Variants in PTMS observed in about 807,000 individuals in gnomAD.
PTMS encodes the protein parathymosin.
In PTMS, 5 loss-of-function variants were observed where a neutral mutation model predicts 18.4. The observed-to-expected ratio is 0.27, with a 90% CI of 0.14 to 0.57. The LOEUF (loss-of-function observed/expected upper bound fraction) is 0.57, where lower values mean the gene tolerates loss of function less well. Among genes scored for constraint, PTMS ranks in the 20% least tolerant of loss-of-function variants. The pLI is 0.92. For missense variants in PTMS, 93 were observed against 124.6 expected, an observed-to-expected ratio of 0.75 and a Z score of 1.21; for synonymous variants, 53 against 47.7, an observed-to-expected ratio of 1.11 and a Z score of -0.46.
chr12:6,766,913 C>T (rs1162230193), intron 1 of PTMS, among the ~76,000 whole-genome samples, 163 bp downstream of exon 1: 10 of 151,354 alleles, frequency 6.6e-5, no homozygotes, highest in African/African-American at 2.4e-4. Flanking sequence ...GCTCCTTTCC[C>T]GGCTCCGCGC....
At position 6,770,026 on chromosome 12, in the gene PTMS, T is replaced by C. The variant is rs776783920; in HGVS notation, c.196+27T>C. On this transcript the variant is annotated intron_variant, in intron 3 of 4. Coordinates refer to ENST00000309083, the MANE Select transcript of PTMS (RefSeq NM_002824.6). The surrounding 1 kb of genome is among the most constrained non-coding windows in gnomAD (Gnocchi z 7.3). The stretch of plus-strand genomic sequence containing the variant: ...TGGGGAGGGGCAGGGGAGGCTGGGC[T>C]GGCAAAGTCTGGGCTCAAAGGAGAG... 3 of 1,564,386 alleles carry C rather than the reference T, an allele frequency of 1.9e-6. No individual in the cohort carries two copies. The South Asian group carries it at 3.5e-5, about 18-fold the overall frequency.
At position 6,766,692 on chromosome 12, in the gene PTMS, C is replaced by T. The variant is rs1445789532; in HGVS notation, c.-14C>T. On this transcript the variant is annotated 5_prime_UTR_variant, in exon 1 of 5. Coordinates refer to ENST00000309083, the MANE Select transcript of PTMS (RefSeq NM_002824.6). The stretch of plus-strand genomic sequence containing the variant: ...CCCCGGCTCCCCGCCAGCCCCGGCC[C>T]CGGCCCCGGCACCATGTCGGAGAAA... The T allele has an allele frequency of 1.9e-5, 22 of 1,132,038 alleles. No homozygotes were observed. The East Asian group carries it at 1.3e-3, about 66-fold the overall frequency. 70.1% of individuals were successfully genotyped at this position (1,132,038 alleles called of 1,614,324 possible).
At position 6,770,238 on chromosome 12, in the gene PTMS, G is replaced by A; in HGVS notation, c.258+20G>A. On this transcript the variant is annotated intron_variant, in intron 4 of 4. Transcript: ENST00000309083. The surrounding 1 kb of genome is among the most constrained non-coding windows in gnomAD (Gnocchi z 7.3). ...GAGGAGGTTTGGGCTGGGTTGCTGGGCCTGAGGGGCTGTCAGGGATGCAGC... is the reference window on the plus strand; with the variant it reads ...GAGGAGGTTTGGGCTGGGTTGCTGGACCTGAGGGGCTGTCAGGGATGCAGC... 1 of 1,614,024 alleles carries A rather than the reference G, an allele frequency of 6.2e-7. No homozygotes were observed. The highest frequency in any genetic ancestry group is 1.7e-4 in the Middle Eastern group (1 of 6,060).
Position 6,766,485 on chromosome 12 carries a change from C to A in PTMS, c.-221C>A. The A allele has an allele frequency of 3.7e-6, 1 of 269,846 alleles. No homozygotes were observed. The highest frequency in any genetic ancestry group is 3.3e-5 in the South Asian group (1 of 29,904). 16.7% of individuals were successfully genotyped at this position (269,846 alleles called of 1,614,324 possible). ...CCGCCCGCCCTCCGGACGGCCGCAG[C>A]CCTGCGGGTCTCCGCTCCAGACCCA... On this transcript the variant is annotated 5_prime_UTR_variant, in exon 1 of 5. Coordinates refer to ENST00000309083, the MANE Select transcript of PTMS (RefSeq NM_002824.6).
Position 6,770,501 on chromosome 12 carries a change from G to A in PTMS, c.*59G>A. 1 of 1,571,452 alleles carries A rather than the reference G, an allele frequency of 6.4e-7. No individual in the cohort carries two copies. Among genetic ancestry groups the A allele is most frequent in the Non-Finnish European group, 8.8e-7 (1 of 1,142,366 alleles). ...TCTGGGCCTGGAGGTGGGGGTGGGG[G>A]CAGCCAAGTCCAGCCACTCTTCACC... is the stretch of plus-strand genomic sequence containing the variant. On this transcript the variant is annotated 3_prime_UTR_variant, in exon 5 of 5. Transcript: ENST00000309083. This position sits in a 1 kb window ranked among gnomAD's most constrained non-coding sequence, Gnocchi z 7.3.
At position 6,770,499 on chromosome 12, in the gene PTMS, G is replaced by A; in HGVS notation, c.*57G>A. On this transcript the variant is annotated 3_prime_UTR_variant, in exon 5 of 5. Coordinates refer to ENST00000309083, the MANE Select transcript of PTMS (RefSeq NM_002824.6). This position sits in a 1 kb window ranked among gnomAD's most constrained non-coding sequence, Gnocchi z 7.3. ...TCTCTGGGCCTGGAGGTGGGGGTGGGGGCAGCCAAGTCCAGCCACTCTTCA... is the reference window on the plus strand; with the variant it reads ...TCTCTGGGCCTGGAGGTGGGGGTGGAGGCAGCCAAGTCCAGCCACTCTTCA... 1.3e-6 allele frequency: 2 copies of A among 1,574,724 alleles called. No homozygotes were observed. The highest frequency in any genetic ancestry group is 1.7e-6 in the Non-Finnish European group (2 of 1,144,860).
chr12:6,769,981 G>C lies in PTMS; in HGVS notation c.178G>C (p.Asp60His). Residue 60 changes from aspartate to histidine, a missense_variant, in exon 3 of 5, where the codon GAT (aspartate) becomes CAT (histidine). By Grantham distance (81) the Asp-to-His change is moderately conservative (BLOSUM62 -1). Transcript: ENST00000309083. ...EETAEDGEEE[D>H]EGEEEDEEEE... ...AACTGCCGAGGATGGAGAGGAGGAAGATGAAGGGGAAGAAGAAGGTGGGGA... is the reference window on the plus strand; with the variant it reads ...AACTGCCGAGGATGGAGAGGAGGAACATGAAGGGGAAGAAGAAGGTGGGGA... 1 of 1,554,526 alleles carries C rather than the reference G, an allele frequency of 6.4e-7. No homozygotes were observed. The highest frequency in any genetic ancestry group is 8.7e-7 in the Non-Finnish European group (1 of 1,148,362).
chr12:6,769,686 T>G lies in PTMS; in HGVS notation c.117+12T>G, dbSNP rs567965771. 1.2e-6 allele frequency: 2 copies of G among 1,611,032 alleles called. No homozygotes were observed. The highest frequency in any genetic ancestry group is 2.7e-5 in the African/African-American group (2 of 74,266). On this transcript the variant is annotated intron_variant, in intron 2 of 4. Coordinates refer to ENST00000309083, the MANE Select transcript of PTMS (RefSeq NM_002824.6). ...AAGAAGTGGTGGAGGTGTGGAGGGG[T>G]GGGGGAGAGGACCACATCTGCCCTA... is the stretch of plus-strand genomic sequence containing the variant.
At chr12:6,769,531 A>G in intron 1 of PTMS, 72 bp from the exon 2 acceptor site, 4 of 1,508,064 alleles carry the variant, frequency 2.7e-6, no homozygotes, top group Non-Finnish European at 3.7e-6. Flanking sequence ...ACAGAGGGAG[A>G]ACTGGGGCTG....
chr12:6,769,259 G>A, intron 1 of PTMS: 1 of 316,470 alleles, frequency 3.2e-6, no homozygotes, highest in Non-Finnish European at 5.8e-6. Flanking sequence ...GGGGCACTGA[G>A]GCTGCAAGCA....
At position 6,769,982 on chromosome 12, in the gene PTMS, A is replaced by G; in HGVS notation, c.179A>G (p.Asp60Gly). The G allele has an allele frequency of 4.5e-6, 7 of 1,553,858 alleles. No individual in the cohort carries two copies. Among genetic ancestry groups the G allele is most frequent in the Non-Finnish European group, 6.1e-6 (7 of 1,147,754 alleles). The change falls in exon 3 of 5, where the codon GAT (aspartate) becomes GGT (glycine). Residue 60 changes from aspartate (D) to glycine (G), a missense_variant. Physicochemically the swap from Asp to Gly is moderately conservative, Grantham distance 94. Transcript: ENST00000309083. ...EETAEDGEEE[D>G]EGEEEDEEEE... ...ACTGCCGAGGATGGAGAGGAGGAAG[A>G]TGAAGGGGAAGAAGAAGGTGGGGAG...
At chr12:6,769,537 G>C in intron 1 of PTMS, 66 bp from the exon 2 acceptor site, 1 of 1,538,794 alleles carries the variant, frequency 6.5e-7, no homozygotes, top group Non-Finnish European at 9.0e-7. Context: ...GGAGAACTGG[G>C]GCTGCAGGGA....
At position 6,770,332 on chromosome 12, in the gene PTMS, G is replaced by A. The variant is rs1941821489; in HGVS notation, c.259-60G>A. On this transcript the variant is annotated intron_variant, in intron 4 of 4. Transcript: ENST00000309083. This position sits in a 1 kb window ranked among gnomAD's most constrained non-coding sequence, Gnocchi z 7.3. ...CAGGGGTGGGGGCTGGAACAGGACCGGGACAGGGGGAGGTCTCCCCTCCCA... is the reference window on the plus strand; with the variant it reads ...CAGGGGTGGGGGCTGGAACAGGACCAGGACAGGGGGAGGTCTCCCCTCCCA... The A allele has an allele frequency of 3.7e-6, 6 of 1,608,492 alleles. No homozygotes were observed. The highest frequency in any genetic ancestry group is 1.7e-5 in the Admixed American group (1 of 60,012).
chr12:6,770,294 G>T lies in PTMS; in HGVS notation c.258+76G>T. On this transcript the variant is annotated intron_variant, in intron 4 of 4. Coordinates refer to ENST00000309083, the MANE Select transcript of PTMS (RefSeq NM_002824.6). The surrounding 1 kb of genome is among the most constrained non-coding windows in gnomAD (Gnocchi z 7.3). ...TGGGCGCCCTTTGGATTTGGACCCAGATCCCTGTGTGGCAGGGGTGGGGGC... is the reference window on the plus strand; with the variant it reads ...TGGGCGCCCTTTGGATTTGGACCCATATCCCTGTGTGGCAGGGGTGGGGGC... 6.2e-7 allele frequency: 1 copy of T among 1,608,882 alleles called. No individual in the cohort carries two copies.
chr12:6,766,851 GCCCGGGT>G, intron 1 of PTMS, 101 bp downstream of exon 1: 1 of 824,210 alleles, frequency 1.2e-6, no homozygotes, highest in South Asian at 5.4e-5. Flanking sequence ...CGGCCCTTGC[GCCCGGGT>G]CCTGGCGGAC....
At position 6,770,431 on chromosome 12, in the gene PTMS, G is replaced by A. The variant is rs1198279225; in HGVS notation, c.298G>A (p.Ala100Thr). 1 of 1,612,240 alleles carries A rather than the reference G, an allele frequency of 6.2e-7. No individual in the cohort carries two copies. The change falls in exon 5 of 5, where the codon GCA becomes ACA. Residue 100 changes from alanine (A) to threonine (T), a missense_variant. Ala to Thr is a moderately conservative substitution (Grantham distance 58). Coordinates refer to ENST00000309083, the MANE Select transcript of PTMS (RefSeq NM_002824.6). The surrounding 1 kb of genome is among the most constrained non-coding windows in gnomAD (Gnocchi z 7.3). Reference sequence around the variant, plus strand: ...CAAACGGCAGAAGACAGAAAATGGGGCATCGGCGTGAGCCCCTGCCAACAG... The same window carrying A: ...CAAACGGCAGAAGACAGAAAATGGGACATCGGCGTGAGCCCCTGCCAACAG... ...DPKRQKTENG[A>T]SA
chr12:6,769,361 C>T (rs1389284381), intron 1 of PTMS, among the ~76,000 whole-genome samples: 2 of 152,044 alleles, frequency 1.3e-5, no homozygotes, highest in Non-Finnish European at 2.9e-5. Context: ...CCTGGTTGCC[C>T]GCTCCTGCTT....
At chr12:6,769,822 C>T (rs1280395121) in intron 2 of PTMS, 99 bp from the exon 3 acceptor site, 4 of 1,609,848 alleles carry the variant, frequency 2.5e-6, no homozygotes, top group African/African-American at 2.7e-5. Flanking sequence ...TGTGGCCCAT[C>T]CCAAGCCCTT....
intron 1 of PTMS, among the ~76,000 whole-genome samples, chr12:6,768,574 C>T (rs531844500): frequency 6.6e-6 from 1 of 152,320 alleles, no homozygotes; most frequent in Admixed American, 6.5e-5. Flanking sequence ...AGATACACAG[C>T]GTGGCACACC....
Sources: gnomAD v4.1 joint callset for allele counts (sites outside exome capture counted in the v4.1 genomes callset) on GRCh38, gnomAD v4.1.1 for gene constraint, Gnocchi (gnomAD v3.1) non-coding constraint, MANE v1.5 for transcripts, NCBI Gene and HGNC (gene_info 2026-07-23, HGNC 2026-07-21) for gene names.